The following DLGAP2 variants were observed in gnomAD, a reference collection of about 807,000 sequenced individuals.
DLGAP2 encodes disks large-associated protein 2.
In DLGAP2, 26 loss-of-function variants were observed where a neutral mutation model predicts 100.3. That is an observed-to-expected ratio of 0.26 (90% confidence interval 0.19 to 0.36). DLGAP2 has a LOEUF of 0.36. Among genes scored for constraint, DLGAP2 ranks in the 10% least tolerant of loss-of-function variants. The pLI is 1.00. For synonymous variants in DLGAP2, 886 were observed against 630.1 expected (o/e 1.41, Z -6.08); for missense variants, 1,858 against 1,453.2 (o/e 1.28, Z -4.53).
At chr8:1,677,422 C>T (rs1049897081) in intron 11 of DLGAP2, among the ~76,000 whole-genome samples, 5 of 152,170 alleles carry the variant, frequency 3.3e-5, no homozygotes, top group Admixed American at 6.5e-5. Context: ...CACGTGGCAA[C>T]GTCACTAACC....
At chr8:1,448,988 G>A (rs1176278130) in intron 3 of DLGAP2, among the ~76,000 whole-genome samples, 1 of 152,236 alleles carries the variant, frequency 6.6e-6, no homozygotes, top group Admixed American at 6.5e-5. Context: ...TGGTTTAAAA[G>A]CTGACGCATG....
intron 5 of DLGAP2, among the ~76,000 whole-genome samples, chr8:1,562,663 T>G (rs1477570736): frequency 2.0e-5 from 1 of 48,930 alleles, no homozygotes. Context: ...GGGGACTGTG[T>G]GGTGTTGGGG....
intron 2 of DLGAP2, among the ~76,000 whole-genome samples, chr8:1,103,097 A>G (rs1197776305): frequency 1.4e-5 from 2 of 147,376 alleles, no homozygotes; most frequent in Non-Finnish European, 1.5e-5. Flanking sequence ...GGGGTCTCTG[A>G]GGTTTTCCGG....
chr8:884,270 C>G lies in DLGAP2; in HGVS notation c.19-23642C>G, dbSNP rs1006113274. 9.2e-5 allele frequency among the ~76,000 whole-genome samples: 14 copies of G among 152,238 alleles called. No individual in the cohort carries two copies. The East Asian group carries it at 1.7e-3, about 19-fold the overall frequency. On this transcript the variant is annotated intron_variant, in intron 1 of 14. Coordinates refer to ENST00000637795, the MANE Select transcript of DLGAP2 (RefSeq NM_001346810.2). ...ACATTCCCACCAACAGTGTAAAAGC[C>G]TTCCTGTTTCTCTGCAGCCTCAGCA...
intron 2 of DLGAP2, among the ~76,000 whole-genome samples, chr8:1,086,710 C>G (rs1433573591): frequency 2.0e-5 from 3 of 152,062 alleles, no homozygotes; most frequent in African/African-American, 7.2e-5. Flanking sequence ...GAATATGTAA[C>G]AATGATAAAT....
chr8:1,491,278 A>T lies in DLGAP2; in HGVS notation c.107-10088A>T, dbSNP rs573530108. On this transcript the variant is annotated intron_variant, in intron 3 of 14. Transcript: ENST00000637795. ...AGGTTGCCTGGCAGCCCTGCCCAGG[A>T]ACTGCCGATGCTGTGAGCAAGAGAA... Among the ~76,000 whole-genome samples the T allele has an allele frequency of 2.3e-3, 344 of 152,272 alleles. 2 individuals are homozygous for T. The highest frequency in any genetic ancestry group is 7.9e-3 in the African/African-American group (327 of 41,580).
chr8:1,235,280 GTCGTGTCTAGTTCCCTCACACATGGCA>G (rs1204381836), intron 2 of DLGAP2, among the ~76,000 whole-genome samples: 15 of 140,284 alleles, frequency 1.1e-4, no homozygotes, highest in Non-Finnish European at 1.8e-4. Context: ...CTCACATGGC[GTCGTGTCTAGTTCCCTCACACATGGCA>G]TCGTGTCTAG....
Position 879,534 on chromosome 8 carries a change from C to T in DLGAP2, c.19-28378C>T, listed in dbSNP as rs566144445. Among the ~76,000 whole-genome samples, 3 of 152,240 alleles carry T rather than the reference C, an allele frequency of 2.0e-5. No individual in the cohort carries two copies. In the South Asian group the frequency reaches 6.2e-4, roughly 32 times the overall value. The stretch of plus-strand genomic sequence containing the variant: ...TAGGTTAGAGTCATTACCATCTGAC[C>T]CACGATCTAGTCTTTGAACATCTCT... On this transcript the variant is annotated intron_variant, in intron 1 of 14. Coordinates refer to ENST00000637795, the MANE Select transcript of DLGAP2 (RefSeq NM_001346810.2).
At chr8:1,320,704 C>T (rs910662966) in intron 3 of DLGAP2, among the ~76,000 whole-genome samples, 3 of 152,200 alleles carry the variant, frequency 2.0e-5, no homozygotes, top group Admixed American at 6.5e-5. Flanking sequence ...CACTTCCCAG[C>T]ACCTTGTGCA....
intron 2 of DLGAP2, among the ~76,000 whole-genome samples, chr8:1,177,326 G>A (rs1340086491): frequency 2.0e-5 from 3 of 152,018 alleles, no homozygotes; most frequent in East Asian, 1.9e-4. Context: ...CTCAGGAGAG[G>A]CATTATATCA....
At chr8:932,524 A>G (rs1031507662) in intron 2 of DLGAP2, among the ~76,000 whole-genome samples, 2 of 152,248 alleles carry the variant, frequency 1.3e-5, no homozygotes, top group Non-Finnish European at 2.9e-5. Context: ...CAAAATGTGA[A>G]TAAGGTTTGT....
intron 3 of DLGAP2, among the ~76,000 whole-genome samples, chr8:1,491,305 C>G (rs1357956074): frequency 8.9e-6 from 1 of 112,028 alleles, no homozygotes; most frequent in African/African-American, 3.2e-5. Flanking sequence ...GCAAGAGAAA[C>G]AGTAAGGCTG....
chr8:961,679 G>A (rs572318549), intron 2 of DLGAP2, among the ~76,000 whole-genome samples: 2 of 152,146 alleles, frequency 1.3e-5, no homozygotes, highest in African/African-American at 4.8e-5. Flanking sequence ...TAACATACTA[G>A]TATTTTTATT....
intron 7 of DLGAP2, among the ~76,000 whole-genome samples, chr8:1,629,102 C>T (rs1797582232): frequency 6.6e-6 from 1 of 152,214 alleles, no homozygotes; most frequent in African/African-American, 2.4e-5. Flanking sequence ...GCTCAGTAAG[C>T]ACAAGTCTTT....
intron 8 of DLGAP2, among the ~76,000 whole-genome samples, chr8:1,655,958 A>G (rs886236541): frequency 4.6e-5 from 7 of 152,232 alleles, no homozygotes; most frequent in African/African-American, 1.2e-4. Context: ...GCACCTGACC[A>G]TGACCAGTGG....
In DLGAP2 at chr8:819,660, CAG is replaced by C. The variant is rs540645221; in HGVS notation, c.18+81838_18+81839del. Among the ~76,000 whole-genome samples the C allele has an allele frequency of 2.0e-4, 31 of 152,220 alleles. 1 individual carries two copies. Among genetic ancestry groups the C allele is most frequent in the African/African-American group, 6.5e-4 (27 of 41,544 alleles). ...ACATTATTAACTGTACTGTGCATGACAGAGTAGTGGAAAAGTAGGCGCATCCT... is the reference window on the plus strand; with the variant it reads ...ACATTATTAACTGTACTGTGCATGACAGTAGTGGAAAAGTAGGCGCATCCT... On this transcript the variant is annotated intron_variant, in intron 1 of 14. Transcript: ENST00000637795.
intron 4 of DLGAP2, among the ~76,000 whole-genome samples, chr8:1,502,546 C>T (rs1799759428): frequency 1.3e-5 from 2 of 152,258 alleles, no homozygotes; most frequent in African/African-American, 4.8e-5. Context: ...TGACGTTCTA[C>T]ACAGCCTTTC....
chr8:1,453,533 G>T (rs1798220673), intron 3 of DLGAP2, among the ~76,000 whole-genome samples: 1 of 152,124 alleles, frequency 6.6e-6, no homozygotes, highest in East Asian at 1.9e-4. Context: ...GAAACACCCA[G>T]AATTTAAGTG....
At chr8:1,544,490 C>G (rs1801464592) in intron 4 of DLGAP2, among the ~76,000 whole-genome samples, 1 of 152,090 alleles carries the variant, frequency 6.6e-6, no homozygotes, top group South Asian at 2.1e-4. Flanking sequence ...TGGGGAAGTT[C>G]CCTCCAGTCC....
Sources: allele counts gnomAD v4.1 joint callset (sites outside exome capture counted in the v4.1 genomes callset), GRCh38; gene constraint gnomAD v4.1.1; transcripts MANE v1.5; gene names NCBI Gene and HGNC (gene_info 2026-07-23, HGNC 2026-07-21).